The following RXFP1 variants were observed in gnomAD, a reference collection of about 807,000 sequenced individuals.
RXFP1 encodes the protein relaxin family peptide receptor 1, also known as relaxin receptor 1.
RXFP1 carries 73 observed loss-of-function variants against 89.8 expected under a neutral mutation model. The observed-to-expected ratio is 0.81, with a 90% CI of 0.67 to 0.99. The LOEUF (loss-of-function observed/expected upper bound fraction) is 0.99, where lower values mean the gene tolerates loss of function less well. Ranked by LOEUF, RXFP1 falls within the 50% of genes least tolerant of loss-of-function variation. The pLI, the probability that RXFP1 is intolerant of heterozygous loss-of-function variation, is 0.00. For synonymous variants in RXFP1, 277 were observed against 305.5 expected (o/e 0.91, Z 0.97); for missense variants, 793 against 895.5 (o/e 0.89, Z 1.46).
At chr4:158,537,820 T>C (rs1207148892) in intron 1 of RXFP1, among the ~76,000 whole-genome samples, 3 of 152,100 alleles carry the variant, frequency 2.0e-5, no homozygotes, top group Admixed American at 1.3e-4. Flanking sequence ...GTAAGTATTG[T>C]GAAGAAGGAA....
intron 1 of RXFP1, among the ~76,000 whole-genome samples, chr4:158,566,864 C>T (rs1753673727): frequency 1.3e-5 from 2 of 152,358 alleles, no homozygotes; most frequent in Admixed American, 6.5e-5. Flanking sequence ...GCCCTTCAGC[C>T]CACCGCTGCA....
intron 5 of RXFP1, chr4:158,607,175 T>C: frequency 7.5e-7 from 1 of 1,335,476 alleles, no homozygotes; most frequent in Non-Finnish European, 1.0e-6. Flanking sequence ...GGTGCAATGA[T>C]GCAATAGCGT....
chr4:158,639,293 A>G lies in RXFP1; in HGVS notation c.1077A>G (p.Gln359=), dbSNP rs756587941. The change falls in exon 14 of 18, where the codon CAA becomes CAG. Residue 359 remains glutamine, a synonymous_variant. Transcript: ENST00000307765. Reference sequence around the variant, plus strand: ...AAGGGATTGAAATTTCAAATATCCAACAAAGGATGTTTAGACCTCTTATGA... The same window carrying G: ...AAGGGATTGAAATTTCAAATATCCAGCAAAGGATGTTTAGACCTCTTATGA... The part of the protein sequence containing the change: ...SLEGIEISNI[Q]QRMFRPLMNL... 2.5e-6 allele frequency: 4 copies of G among 1,573,018 alleles called. No homozygotes were observed. The highest frequency in any genetic ancestry group is 1.3e-5 in the African/African-American group (1 of 74,144).
At chr4:158,602,931 T>C (rs374070975) in intron 4 of RXFP1, among the ~76,000 whole-genome samples, 6 of 152,316 alleles carry the variant, frequency 3.9e-5, no homozygotes, top group Non-Finnish European at 8.8e-5. Context: ...GTTTTTTTGT[T>C]TGTTTGTTTT....
intron 14 of RXFP1, among the ~76,000 whole-genome samples, chr4:158,643,497 G>A (rs1218707657): frequency 7.9e-6 from 1 of 126,722 alleles, no homozygotes; most frequent in Non-Finnish European, 1.6e-5. Flanking sequence ...TGGAGACAGA[G>A]TCTCTCTTTG....
chr4:158,592,491 T>C (rs1759693080), intron 2 of RXFP1, among the ~76,000 whole-genome samples: 1 of 152,114 alleles, frequency 6.6e-6, no homozygotes, highest in Admixed American at 6.5e-5. Flanking sequence ...GGAGAATCAC[T>C]TGAGCCTAGG....
Position 158,598,869 on chromosome 4 carries a change from G to A in RXFP1, c.287-457G>A, listed in dbSNP as rs768970383. On this transcript the variant is annotated intron_variant, in intron 3 of 17. Coordinates refer to ENST00000307765, the MANE Select transcript of RXFP1 (RefSeq NM_021634.4). ...CTATCATTTGCCTTTAGTTCTCCTC[G>A]TTCTTGCTAGTTAAAAGTGATTTAT... 1.4e-4 allele frequency among the ~76,000 whole-genome samples: 21 copies of A among 150,582 alleles called. No individual in the cohort carries two copies. The East Asian group carries it at 2.5e-3, about 18-fold the overall frequency.
intron 1 of RXFP1, among the ~76,000 whole-genome samples, chr4:158,567,972 GCTTTTATGAGATGTAACA>G (rs559131620): frequency 2.6e-5 from 4 of 152,190 alleles, no homozygotes; most frequent in Non-Finnish European, 4.4e-5. Flanking sequence ...GATTCACACT[GCTTTTATGAGATGTAACA>G]CTCACCTCTA....
intron 2 of RXFP1, among the ~76,000 whole-genome samples, chr4:158,587,317 C>T (rs1250633035): frequency 2.0e-5 from 3 of 152,154 alleles, no homozygotes; most frequent in African/African-American, 4.8e-5. Flanking sequence ...TTTGTAACAT[C>T]GATAAACATA....
intron 1 of RXFP1, among the ~76,000 whole-genome samples, chr4:158,555,842 T>C (rs1751156811): frequency 1.3e-5 from 2 of 152,194 alleles, no homozygotes; most frequent in South Asian, 4.1e-4. Flanking sequence ...ATACAGTCTT[T>C]TCAATAAATG....
chr4:158,623,893 G>A (rs1489507654), intron 9 of RXFP1, among the ~76,000 whole-genome samples: 1 of 152,088 alleles, frequency 6.6e-6, no homozygotes, highest in Non-Finnish European at 1.5e-5. Flanking sequence ...GAAGACAAGG[G>A]CATGTGATCA....
chr4:158,541,350 GCACACA>G (rs58856633), intron 1 of RXFP1, among the ~76,000 whole-genome samples: 5 of 139,794 alleles, frequency 3.6e-5, no homozygotes, highest in Admixed American at 7.3e-5. Flanking sequence ...AGAGCTTCAT[GCACACA>G]CACACACACA....
chr4:158,572,558 A>G (rs901987979), intron 1 of RXFP1, 140 bp from the exon 2 acceptor site: 3 of 756,252 alleles, frequency 4.0e-6, no homozygotes, highest in East Asian at 5.0e-5. Flanking sequence ...AGGTTCCTAG[A>G]AAATAACTGG....
chr4:158,529,244 T>TTTGTTG (rs70962613), intron 1 of RXFP1, among the ~76,000 whole-genome samples: 4,345 of 110,008 alleles, frequency 0.039, 193 homozygotes, highest in African/African-American at 0.16. Context: ...TTGCTTGTTT[T>TTTGTTG]TTGTTGTTGT....
Position 158,636,378 on chromosome 4 carries a change from A to G in RXFP1, c.972-1630A>G, listed in dbSNP as rs901204652. ...TATTTTATTTCATTTTGTTTAAACC[A>G]TATCTGATCTTAGGCAAAATGTGAA... On this transcript the variant is annotated intron_variant, in intron 12 of 17. Coordinates refer to ENST00000307765, the MANE Select transcript of RXFP1 (RefSeq NM_021634.4). Among the ~76,000 whole-genome samples the G allele has an allele frequency of 3.3e-5, 5 of 152,142 alleles. No individual in the cohort carries two copies. In the East Asian group the frequency reaches 5.8e-4, roughly 18 times the overall value.
intron 12 of RXFP1, among the ~76,000 whole-genome samples, chr4:158,634,768 C>T (rs1347910634): frequency 2.0e-5 from 3 of 152,142 alleles, no homozygotes; most frequent in African/African-American, 7.2e-5. Flanking sequence ...GTTTTCTCAA[C>T]ACAATTTATT....
intron 1 of RXFP1, among the ~76,000 whole-genome samples, chr4:158,558,133 G>C (rs1751699561): frequency 6.6e-6 from 1 of 152,168 alleles, no homozygotes; most frequent in Non-Finnish European, 1.5e-5. Context: ...TTCTTGATCT[G>C]AGAAGGAACT....
chr4:158,628,894 TA>T (rs1357907596), intron 11 of RXFP1, among the ~76,000 whole-genome samples, 185 bp downstream of exon 11: 1 of 150,806 alleles, frequency 6.6e-6, no homozygotes, highest in Admixed American at 6.7e-5. Context: ...AAAATAAAAA[TA>T]TAAATATTTG....
chr4:158,579,332 A>G (rs11943643), intron 2 of RXFP1, among the ~76,000 whole-genome samples: 39,760 of 152,008 alleles, frequency 0.26, 8,573 homozygotes, highest in African/African-American at 0.59. Context: ...GCAGTAGCAC[A>G]ATCTCGGCTC....
Sources: allele counts gnomAD v4.1 joint callset (sites outside exome capture counted in the v4.1 genomes callset), GRCh38; gene constraint gnomAD v4.1.1; transcripts MANE v1.5; gene names NCBI Gene and HGNC (gene_info 2026-07-23, HGNC 2026-07-21).